PTN: variants seen among roughly 807,000 people sequenced by gnomAD.
The protein encoded by PTN is pleiotrophin.
A neutral mutation model predicts 24.1 loss-of-function variants in PTN; 18 were observed. The observed-to-expected ratio is 0.75, with a 90% CI of 0.52 to 1.11. The LOEUF (loss-of-function observed/expected upper bound fraction) is 1.11, where lower values mean the gene tolerates loss of function less well. Among genes scored for constraint, PTN ranks in the 50% least tolerant of loss-of-function variants. PTN has a pLI of 0.00. For missense variants in PTN, 163 were observed against 198.8 expected, an observed-to-expected ratio of 0.82 and a Z score of 1.08; for synonymous variants, 78 against 68.6, an observed-to-expected ratio of 1.14 and a Z score of -0.67.
Position 137,251,391 on chromosome 7 carries a change from G to A in PTN, c.290C>T (p.Ala97Val), listed in dbSNP as rs777555367. ...IPCNWKKQFG[A>V]ECKYQFQAWG... ...GGCCTGGAACTGGTATTTGCACTCCGCTAAAGGCAGGGTAGAACCAAACAG... is the reference window on the plus strand; with the variant it reads ...GGCCTGGAACTGGTATTTGCACTCCACTAAAGGCAGGGTAGAACCAAACAG... Residue 97 changes from alanine to valine, a missense_variant and splice_region_variant, in exon 4 of 5, where the codon GCG becomes GTG. Transcript: ENST00000348225. 12 of 1,613,760 alleles carry A rather than the reference G, an allele frequency of 7.4e-6. No homozygotes were observed. The Admixed American group carries it at 1.2e-4, about 16-fold the overall frequency.
intron 1 of PTN, among the ~76,000 whole-genome samples, chr7:137,284,258 G>C (rs1585028866): frequency 6.6e-6 from 1 of 152,048 alleles, no homozygotes; most frequent in East Asian, 1.9e-4. Flanking sequence ...GCCGGGCCGA[G>C]CATCATATTT....
chr7:137,314,722 G>A (rs1431279605), intron 1 of PTN, among the ~76,000 whole-genome samples: 3 of 150,718 alleles, frequency 2.0e-5, no homozygotes, highest in African/African-American at 4.9e-5. Context: ...AGCTTCCCAA[G>A]TAGCTGGGAT....
chr7:137,306,131 T>C (rs1278238510), intron 1 of PTN, among the ~76,000 whole-genome samples: 1 of 152,146 alleles, frequency 6.6e-6, no homozygotes, highest in East Asian at 1.9e-4. Flanking sequence ...CTGATTTCCA[T>C]GGCTGATCTA....
intron 1 of PTN, among the ~76,000 whole-genome samples, chr7:137,311,520 C>T (rs1382744730): frequency 6.6e-6 from 1 of 152,192 alleles, no homozygotes; most frequent in Non-Finnish European, 1.5e-5. Flanking sequence ...TAAGAGTAGT[C>T]ATTTCTAGAT....
At chr7:137,338,995 T>C (rs367776658) in intron 1 of PTN, among the ~76,000 whole-genome samples, 7 of 151,478 alleles carry the variant, frequency 4.6e-5, no homozygotes, top group African/African-American at 1.7e-4. Context: ...AACTGAAATA[T>C]TTGGAAATAA....
At chr7:137,242,627 C>T (rs976824410) in intron 4 of PTN, among the ~76,000 whole-genome samples, 8 of 152,186 alleles carry the variant, frequency 5.3e-5, no homozygotes, top group Non-Finnish European at 1.2e-4. Context: ...TGAACAATAA[C>T]CCAAGATACT....
intron 1 of PTN, among the ~76,000 whole-genome samples, chr7:137,268,546 C>T (rs532266882): frequency 1.3e-5 from 2 of 152,208 alleles, no homozygotes; most frequent in African/African-American, 4.8e-5. Context: ...CCAGGGGGTA[C>T]GTGATAGGGG....
At chr7:137,281,265 AC>A (rs1407222370) in intron 1 of PTN, among the ~76,000 whole-genome samples, 1 of 152,100 alleles carries the variant, frequency 6.6e-6, no homozygotes, top group African/African-American at 2.4e-5. Flanking sequence ...AAAAAAAAAA[AC>A]GTAGAAATAG....
At chr7:137,276,438 G>A (rs547976630) in intron 1 of PTN, among the ~76,000 whole-genome samples, 3 of 152,292 alleles carry the variant, frequency 2.0e-5, no homozygotes, top group Admixed American at 6.5e-5. Flanking sequence ...AGGACGTCCT[G>A]CAATGCTTTA....
At chr7:137,231,639 T>G (rs1585002236) in intron 4 of PTN, among the ~76,000 whole-genome samples, 1 of 151,964 alleles carries the variant, frequency 6.6e-6, no homozygotes, top group African/African-American at 2.4e-5. Flanking sequence ...AAATACTTGT[T>G]GCATGCGGAG....
In PTN at chr7:137,251,356, A is replaced by G. The variant is rs1808823692; in HGVS notation, c.325T>C (p.Cys109Arg). Residue 109 changes from cysteine to arginine, a missense_variant, in exon 4 of 5, where the codon TGT becomes CGT. Transcript: ENST00000348225. Reference protein sequence around the residue: ...CKYQFQAWGECDLNTALKTRT... With the variant: ...CKYQFQAWGERDLNTALKTRT... ...GTCTTCAGGGCTGTGTTCAGGTCACATTCTCCCCAGGCCTGGAACTGGTAT... is the reference window on the plus strand; with the variant it reads ...GTCTTCAGGGCTGTGTTCAGGTCACGTTCTCCCCAGGCCTGGAACTGGTAT... 6.2e-7 allele frequency: 1 copy of G among 1,614,098 alleles called. No homozygotes were observed. Among genetic ancestry groups the G allele is most frequent in the Non-Finnish European group, 8.5e-7 (1 of 1,180,010 alleles).
chr7:137,321,142 G>T (rs1056370337), intron 1 of PTN, among the ~76,000 whole-genome samples: 1 of 152,104 alleles, frequency 6.6e-6, no homozygotes, highest in African/African-American at 2.4e-5. Context: ...GCTGCAGGTG[G>T]TACTGAATTA....
At chr7:137,262,760 C>A (rs188094623) in intron 1 of PTN, among the ~76,000 whole-genome samples, 3 of 152,132 alleles carry the variant, frequency 2.0e-5, no homozygotes, top group Non-Finnish European at 4.4e-5. Context: ...CAGAATAGAA[C>A]GGGAGGTTTC....
intron 1 of PTN, among the ~76,000 whole-genome samples, chr7:137,288,356 T>C (rs1335406295): frequency 2.6e-5 from 4 of 152,184 alleles, no homozygotes. Flanking sequence ...TGAGAGGAAC[T>C]CAGGAGCTCT....
chr7:137,325,918 C>G (rs1810252161), intron 1 of PTN: 1 of 152,124 alleles, frequency 6.6e-6, no homozygotes, highest in African/African-American at 2.4e-5. Context: ...AATGTCTAGA[C>G]GTGATTATAG....
chr7:137,343,036 T>C lies in PTN; in HGVS notation c.-2+403A>G, dbSNP rs554950567. Among the ~76,000 whole-genome samples the C allele has an allele frequency of 3.9e-5, 6 of 152,230 alleles. No homozygotes were observed. The East Asian group carries it at 1.2e-3, about 30-fold the overall frequency. The stretch of plus-strand genomic sequence containing the variant: ...AGAGAGAGGCTGGGAAAATGAGAGC[T>C]GCTTGTTCAGGCTGCCTTACTTTCT... On this transcript the variant is annotated intron_variant, in intron 1 of 4. Transcript: ENST00000348225.
intron 4 of PTN, among the ~76,000 whole-genome samples, chr7:137,240,070 G>A (rs1455747927): frequency 2.0e-5 from 3 of 152,124 alleles, no homozygotes; most frequent in Admixed American, 6.6e-5. Flanking sequence ...TACCTTGTCC[G>A]AGAGGCTTTC....
At chr7:137,307,100 T>C (rs1809901547) in intron 1 of PTN, among the ~76,000 whole-genome samples, 1 of 152,136 alleles carries the variant, frequency 6.6e-6, no homozygotes, top group Admixed American at 6.6e-5. Context: ...GTGGCATATG[T>C]GGCAGCTACT....
At chr7:137,340,173 G>C (rs928916362) in intron 1 of PTN, among the ~76,000 whole-genome samples, 7 of 152,126 alleles carry the variant, frequency 4.6e-5, no homozygotes, top group African/African-American at 1.7e-4. Context: ...ACATGAAGGA[G>C]TCATTGTATT....
Sources: gnomAD v4.1 joint callset for allele counts (sites outside exome capture counted in the v4.1 genomes callset) on GRCh38, gnomAD v4.1.1 for gene constraint, MANE v1.5 for transcripts, NCBI Gene and HGNC (gene_info 2026-07-23, HGNC 2026-07-21) for gene names.